FCHSD2: variants seen among roughly 807,000 people sequenced by gnomAD.
FCHSD2 encodes F-BAR and double SH3 domains protein 2.
Under a neutral mutation model 108.1 loss-of-function variants are expected in FCHSD2, and 38 were observed. The observed-to-expected ratio is 0.35, with a 90% CI of 0.27 to 0.46. The LOEUF is 0.46. Among genes scored for constraint, FCHSD2 ranks in the 20% least tolerant of loss-of-function variants. FCHSD2 has a pLI of 1.00. For synonymous variants in FCHSD2, 279 were observed against 314.7 expected (o/e 0.89, Z 1.20); for missense variants, 751 against 897.8 (o/e 0.84, Z 2.09).
intron 3 of FCHSD2, among the ~76,000 whole-genome samples, chr11:73,030,312 G>C (rs928249634): frequency 2.6e-5 from 4 of 152,192 alleles, no homozygotes; most frequent in Non-Finnish European, 4.4e-5. Context: ...ATAAGAGAAA[G>C]TTCCTGTCTT....
intron 3 of FCHSD2, among the ~76,000 whole-genome samples, chr11:73,077,130 A>G (rs868643190): frequency 2.2e-5 from 3 of 137,438 alleles, no homozygotes; most frequent in Non-Finnish European, 4.7e-5. Context: ...GAAAAAAAAG[A>G]AAAAAAAAAG....
At chr11:72,881,549 A>C (rs1855087018) in intron 12 of FCHSD2, among the ~76,000 whole-genome samples, 1 of 152,232 alleles carries the variant, frequency 6.6e-6, no homozygotes, top group South Asian at 2.1e-4. Flanking sequence ...ATTTATCCAA[A>C]GGAAAGGAAA....
At chr11:72,984,270 C>T (rs1357821512) in intron 7 of FCHSD2, 54 bp from the exon 8 acceptor site, 1 of 1,559,938 alleles carries the variant, frequency 6.4e-7, no homozygotes, top group African/African-American at 1.4e-5. Flanking sequence ...TACTGCAAAA[C>T]ACATAGGAAT....
intron 13 of FCHSD2, among the ~76,000 whole-genome samples, chr11:72,850,267 G>A (rs1861250621): frequency 6.6e-6 from 1 of 151,986 alleles, no homozygotes. Flanking sequence ...GTTTCACCAT[G>A]TTGGCCAGGC....
intron 8 of FCHSD2, among the ~76,000 whole-genome samples, chr11:72,979,459 T>C (rs1857171997): frequency 6.6e-6 from 1 of 151,780 alleles, no homozygotes; most frequent in African/African-American, 2.4e-5. Flanking sequence ...AATCAAAGGG[T>C]ACACTGAGAA....
intron 2 of FCHSD2, among the ~76,000 whole-genome samples, chr11:73,098,884 C>T (rs1860152402): frequency 6.6e-6 from 1 of 152,130 alleles, no homozygotes; most frequent in African/African-American, 2.4e-5. Context: ...ACCAAAAGCA[C>T]AAACAACGAA....
At chr11:72,896,539 A>T (rs1238653330) in intron 10 of FCHSD2, among the ~76,000 whole-genome samples, 3 of 152,128 alleles carry the variant, frequency 2.0e-5, no homozygotes, top group Admixed American at 6.5e-5. Context: ...AAATTATTCC[A>T]AACAGATTGC....
At chr11:72,952,941 G>A (rs757690783) in intron 8 of FCHSD2, among the ~76,000 whole-genome samples, 13 of 152,196 alleles carry the variant, frequency 8.5e-5, no homozygotes, top group African/African-American at 1.9e-4. Flanking sequence ...CAGTTCACCC[G>A]CTTTAAAGCC....
intron 2 of FCHSD2, among the ~76,000 whole-genome samples, chr11:73,133,048 C>G (rs945495174): frequency 2.6e-5 from 4 of 152,164 alleles, no homozygotes; most frequent in Non-Finnish European, 5.9e-5. Context: ...GAAAAATGCA[C>G]GTCAAAGCCA....
chr11:72,883,464 T>A (rs1266143774), intron 12 of FCHSD2, among the ~76,000 whole-genome samples: 1 of 152,070 alleles, frequency 6.6e-6, no homozygotes, highest in African/African-American at 2.4e-5. Context: ...ATAAGACCAA[T>A]CTAAATTTGG....
rs977465471 is a variant in FCHSD2 at position 72,837,165 on chromosome 11, A to G, written c.*1626T>C. 1 of 152,228 alleles carries G rather than the reference A, an allele frequency of 6.6e-6. No homozygotes were observed. The highest frequency in any genetic ancestry group is 2.4e-5 in the African/African-American group (1 of 41,436). 9.4% of individuals were successfully genotyped at this position (152,228 alleles called of 1,614,324 possible). On this transcript the variant is annotated 3_prime_UTR_variant, in exon 20 of 20. Coordinates refer to ENST00000409418, the MANE Select transcript of FCHSD2 (RefSeq NM_014824.3). ...AAACCACCCTTTTAATTTCTTTTTTAAACTTAAGAATAAGTTTGATAAACA... is the reference window on the plus strand; with the variant it reads ...AAACCACCCTTTTAATTTCTTTTTTGAACTTAAGAATAAGTTTGATAAACA...
At chr11:73,046,383 T>G in intron 3 of FCHSD2, among the ~76,000 whole-genome samples, 1 of 152,180 alleles carries the variant, frequency 6.6e-6, no homozygotes, top group East Asian at 1.9e-4. Context: ...ACAGCAAGAA[T>G]GCATTGTAAA....
At chr11:72,944,664 T>C (rs1271539888) in intron 8 of FCHSD2, among the ~76,000 whole-genome samples, 6 of 152,058 alleles carry the variant, frequency 3.9e-5, no homozygotes, top group South Asian at 2.1e-4. Flanking sequence ...TTGTCTCAGC[T>C]CAAAATCTCC....
chr11:73,117,288 A>T (rs1860626541), intron 2 of FCHSD2, among the ~76,000 whole-genome samples: 2 of 152,246 alleles, frequency 1.3e-5, no homozygotes, highest in South Asian at 4.1e-4. Flanking sequence ...AAGTTTGGAC[A>T]AGCAGGAAGT....
rs1370588845 is a variant in FCHSD2, at chr11:72,902,556, C to T, written c.911G>A (p.Cys304Tyr). ...HKPQPFQFQP[C>Y]DSDTSRQLES... is the part of the protein sequence containing the mutation. ...TAATTCCCTTACAGTATCACTGTCA[C>T]AAGGCTGGAACTGGAAGGGCTGGGG... is the stretch of plus-strand genomic sequence containing the variant. Residue 304 changes from cysteine (C) to tyrosine (Y), a missense_variant, in exon 10 of 20, where the codon TGT becomes TAT. Coordinates refer to ENST00000409418, the MANE Select transcript of FCHSD2 (RefSeq NM_014824.3). 6.3e-7 allele frequency: 1 copy of T among 1,581,452 alleles called. No homozygotes were observed.
chr11:72,940,613 C>A, intron 8 of FCHSD2: 1 of 1,443,488 alleles, frequency 6.9e-7, no homozygotes, highest in Non-Finnish European at 9.7e-7. Flanking sequence ...CTCCACAGGG[C>A]TCCCCGCCCC....
At chr11:72,926,718 G>C (rs1375434392) in intron 8 of FCHSD2, among the ~76,000 whole-genome samples, 1 of 152,134 alleles carries the variant, frequency 6.6e-6, no homozygotes, top group Non-Finnish European at 1.5e-5. Context: ...CACAGGACAA[G>C]AACTTGGGCA....
At chr11:73,034,231 C>G (rs1426220251) in intron 3 of FCHSD2, among the ~76,000 whole-genome samples, 1 of 152,066 alleles carries the variant, frequency 6.6e-6, no homozygotes, top group African/African-American at 2.4e-5. Context: ...TGTCCTAATG[C>G]TCTCCCTCCC....
At chr11:72,981,229 T>G (rs1857210527) in intron 8 of FCHSD2, among the ~76,000 whole-genome samples, 1 of 152,158 alleles carries the variant, frequency 6.6e-6, no homozygotes, top group Admixed American at 6.5e-5. Flanking sequence ...TTAATCAGTT[T>G]AGTACCCCAC....
Sources: gnomAD v4.1 joint callset for allele counts (sites outside exome capture counted in the v4.1 genomes callset) on GRCh38, gnomAD v4.1.1 for gene constraint, MANE v1.5 for transcripts, NCBI Gene and HGNC (gene_info 2026-07-23, HGNC 2026-07-21) for gene names.